SMG1: variants seen among roughly 807,000 people sequenced by gnomAD.
SMG1 encodes the protein SMG1 nonsense mediated mRNA decay associated PI3K related kinase, also known as serine/threonine-protein kinase SMG1.
A neutral mutation model predicts 419.9 loss-of-function variants in SMG1; 22 were observed. The ratio of observed to expected loss-of-function variants is 0.05; its 90% CI spans 0.04 to 0.07. The LOEUF (loss-of-function observed/expected upper bound fraction) is 0.07. SMG1 is among the 10% of genes least tolerant of loss of function. SMG1 has a pLI of 1.00. For synonymous variants in SMG1, 1,538 were observed against 1,553.5 expected (o/e 0.99, Z 0.23); for missense variants, 3,185 against 4,342.0 (o/e 0.73, Z 7.49).
rs778116624 is a variant in SMG1 at position 18,864,053 on chromosome 16, T to A, written c.3442A>T (p.Thr1148Ser). ...CTGTTACGCCCAGCATTGGCTAAGG[T>A]GAGCACCGATTTGTCAAAGCTGGAG... ...CISSFDKSVL[T>S]LANAGRNSAS... The change falls in exon 24 of 63, where the codon ACC (threonine) becomes TCC (serine). Residue 1148 changes from threonine to serine, a missense_variant. Thr to Ser is a moderately conservative substitution (Grantham distance 58, BLOSUM62 1). This residue lies in a region of SMG1 where 121 missense variants were observed against 125.4 expected (regional missense o/e 0.96). Transcript: ENST00000446231. 78 of 1,549,848 alleles carry A rather than the reference T, an allele frequency of 5.0e-5. No homozygotes were observed. Among genetic ancestry groups the A allele is most frequent in the Non-Finnish European group, 6.5e-5 (75 of 1,146,942 alleles).
At chr16:18,842,501 C>T (rs1256279046) in intron 39 of SMG1, 47 bp from the exon 40 acceptor site, 9 of 1,568,296 alleles carry the variant, frequency 5.7e-6, no homozygotes, top group Non-Finnish European at 6.1e-6. Flanking sequence ...CATTAGAACA[C>T]TTATTTTCTT....
intron 25 of SMG1, among the ~76,000 whole-genome samples, chr16:18,862,864 C>T (rs2035286824): frequency 6.6e-6 from 1 of 152,244 alleles, no homozygotes; most frequent in East Asian, 1.9e-4. Context: ...ATACTCCAAG[C>T]CCACCATTCT....
chr16:18,911,893 C>A (rs1171656671), intron 1 of SMG1, among the ~76,000 whole-genome samples: 1 of 151,982 alleles, frequency 6.6e-6, no homozygotes, highest in Non-Finnish European at 1.5e-5. Flanking sequence ...ACCAGCCTGG[C>A]CAACATGGTG....
chr16:18,895,410 C>T (rs1303612204), intron 3 of SMG1, among the ~76,000 whole-genome samples: 1 of 151,450 alleles, frequency 6.6e-6, no homozygotes, highest in South Asian at 2.1e-4. Context: ...ACCTGGGAGG[C>T]GGAGGTTGCA....
At chr16:18,863,898 G>A (rs1314628893) in intron 24 of SMG1, 47 bp from the exon 25 acceptor site, 6 of 1,592,192 alleles carry the variant, frequency 3.8e-6, no homozygotes, top group Non-Finnish European at 3.4e-6. Flanking sequence ...AGATCAGTTA[G>A]AAATATTTCA....
At chr16:18,918,721 G>T (rs1178845988) in intron 1 of SMG1, among the ~76,000 whole-genome samples, 1 of 152,098 alleles carries the variant, frequency 6.6e-6, no homozygotes, top group Non-Finnish European at 1.5e-5. Context: ...GCTAATTTTT[G>T]TATTTTTAGT....
At chr16:18,843,529 TA>T (rs2034046802) in intron 39 of SMG1, among the ~76,000 whole-genome samples, 2 of 152,068 alleles carry the variant, frequency 1.3e-5, no homozygotes, top group East Asian at 3.9e-4. Flanking sequence ...GCTCTGTTCA[TA>T]AAAAGAAAAA....
At chr16:18,889,057 C>G (rs1405054200) in intron 6 of SMG1, among the ~76,000 whole-genome samples, 1 of 150,292 alleles carries the variant, frequency 6.7e-6, no homozygotes, top group African/African-American at 2.5e-5. Context: ...ATCTCCTGAC[C>G]TCATTATCCG....
chr16:18,913,263 G>C (rs1368901698), intron 1 of SMG1, among the ~76,000 whole-genome samples: 1 of 152,094 alleles, frequency 6.6e-6, no homozygotes, highest in Non-Finnish European at 1.5e-5. Context: ...TCCAGGGTTT[G>C]TATCATCAGG....
intron 26 of SMG1, 48 bp from the exon 27 acceptor site, chr16:18,859,751 A>G: frequency 1.3e-6 from 2 of 1,491,542 alleles, no homozygotes; most frequent in Non-Finnish European, 1.8e-6. Context: ...CTTTTATTAT[A>G]AATTTTGATT....
At chr16:18,834,779 G>GC in intron 49 of SMG1, 113 bp downstream of exon 49, 1 of 1,163,564 alleles carries the variant, frequency 8.6e-7, no homozygotes, top group Non-Finnish European at 1.2e-6. Flanking sequence ...AATCTGAAAA[G>GC]CAAGTAAGCA....
intron 2 of SMG1, among the ~76,000 whole-genome samples, 182 bp downstream of exon 2, chr16:18,896,611 T>A (rs1249698980): frequency 1.3e-5 from 2 of 152,184 alleles, no homozygotes; most frequent in African/African-American, 4.8e-5. Context: ...GAAAAAATTT[T>A]AAATTTTAAA....
At position 18,880,107 on chromosome 16, in the gene SMG1, G is replaced by C. The variant is rs188297203; in HGVS notation, c.1294-388C>G. Among the ~76,000 whole-genome samples the C allele has an allele frequency of 3.0e-3, 455 of 152,224 alleles. 1 individual carries two copies. Among genetic ancestry groups the C allele is most frequent in the African/African-American group, 0.01 (428 of 41,546 alleles). On this transcript the variant is annotated intron_variant, in intron 10 of 62. Coordinates refer to ENST00000446231, the MANE Select transcript of SMG1 (RefSeq NM_015092.5). The stretch of plus-strand genomic sequence containing the variant: ...CCACACATACTACAAGCTAGCTCTT[G>C]GGCTTTTGGGAATCAATCTTTTAAA...
intron 1 of SMG1, among the ~76,000 whole-genome samples, chr16:18,904,440 C>A (rs1385545783): frequency 6.6e-6 from 1 of 150,924 alleles, no homozygotes; most frequent in African/African-American, 2.4e-5. Context: ...TGAGACCACC[C>A]TGGCCAAAAT....
At chr16:18,838,501 C>T (rs770662798) in intron 43 of SMG1, 35 bp from the exon 44 acceptor site, 2 of 1,613,774 alleles carry the variant, frequency 1.2e-6, no homozygotes, top group Non-Finnish European at 1.7e-6. Flanking sequence ...TTTGCCCTTT[C>T]ACCAAAAAAC....
intron 13 of SMG1, among the ~76,000 whole-genome samples, chr16:18,873,203 A>C (rs1048810772): frequency 6.6e-6 from 1 of 152,084 alleles, no homozygotes; most frequent in Non-Finnish European, 1.5e-5. Flanking sequence ...CAGGAATGAG[A>C]GTACCTGTGT....
intron 8 of SMG1, 85 bp downstream of exon 8, chr16:18,885,005 G>C: frequency 1.5e-6 from 1 of 652,492 alleles, no homozygotes; most frequent in Non-Finnish European, 2.7e-6. Context: ...CATTATTAAA[G>C]AAATGGTATT....
intron 57 of SMG1, 60 bp downstream of exon 57, chr16:18,817,231 T>C (rs534467350): frequency 1.7e-5 from 23 of 1,382,834 alleles, no homozygotes; most frequent in South Asian, 1.5e-5. Flanking sequence ...ATATATTAAA[T>C]TGATTTTAAT....
chr16:18,869,246 G>A lies in SMG1; in HGVS notation c.2691C>T (p.Asp897=). The change falls in exon 20 of 63, where the codon GAC becomes GAT. Residue 897 remains aspartate (D), a synonymous_variant. Transcript: ENST00000446231. ...GGAGATTGCGTGGAATTGTTGACTG[G>A]TCACGCTTATCCAGTCTCTGGCAGC... ...FYSCQRLDKR[D]QSTIPRNLLK... is the part of the protein sequence containing the mutation. The A allele has an allele frequency of 6.2e-7, 1 of 1,611,552 alleles. No homozygotes were observed. The highest frequency in any genetic ancestry group is 8.5e-7 in the Non-Finnish European group (1 of 1,179,560).
Sources: allele counts gnomAD v4.1 joint callset (sites outside exome capture counted in the v4.1 genomes callset), GRCh38; gene constraint gnomAD v4.1.1; regional missense constraint gnomAD v4.1.1; transcripts MANE v1.5; gene names NCBI Gene and HGNC (gene_info 2026-07-23, HGNC 2026-07-21).